Variants in TULP4 observed in about 807,000 individuals in gnomAD.
The protein encoded by TULP4 is TUB like protein 4, also known as tubby-related protein 4.
A neutral mutation model predicts 129.0 loss-of-function variants in TULP4; 16 were observed. The ratio of observed to expected loss-of-function variants is 0.12; its 90% CI spans 0.08 to 0.19. The LOEUF is 0.19. Among genes scored for constraint, TULP4 ranks in the 10% least tolerant of loss-of-function variants. The probability of loss-of-function intolerance (pLI) is 1.00; values close to 1 mark genes in which losing one functional copy is unlikely to be tolerated. For synonymous variants in TULP4, 998 were observed against 854.0 expected (o/e 1.17, Z -2.94); for missense variants, 1,842 against 2,059.1 (o/e 0.89, Z 2.04).
intron 6 of TULP4, among the ~76,000 whole-genome samples, chr6:158,464,817 A>G (rs1430600585): frequency 6.6e-6 from 1 of 152,232 alleles, no homozygotes; most frequent in East Asian, 1.9e-4. Context: ...TGTCTCCTGA[A>G]TCAGGAAAAG....
chr6:158,372,112 G>C (rs1432591715), intron 1 of TULP4, among the ~76,000 whole-genome samples: 1 of 120,596 alleles, frequency 8.3e-6, no homozygotes, highest in African/African-American at 3.2e-5. Context: ...ACCATGCCAA[G>C]CCATTTTCTA....
chr6:158,287,200 C>G (rs1356176546), intron 1 of TULP4, among the ~76,000 whole-genome samples: 1 of 152,180 alleles, frequency 6.6e-6, no homozygotes, highest in East Asian at 1.9e-4. Flanking sequence ...GTTCAAATTA[C>G]AGGGTGAATG....
intron 1 of TULP4, chr6:158,242,537 A>G (rs878939166): frequency 5.3e-6 from 4 of 749,456 alleles, no homozygotes; most frequent in African/African-American, 3.4e-5. Context: ...TCTTCAAGAC[A>G]TTCTCAATTC....
At chr6:158,349,439 G>GGT (rs1780430210) in intron 1 of TULP4, among the ~76,000 whole-genome samples, 1 of 142,036 alleles carries the variant, frequency 7.0e-6, no homozygotes, top group African/African-American at 2.6e-5. Context: ...CATCCCAGAC[G>GGT]GGGCGGCTGG....
intron 1 of TULP4, among the ~76,000 whole-genome samples, chr6:158,375,866 T>G (rs937628241): frequency 6.6e-6 from 1 of 152,208 alleles, no homozygotes; most frequent in African/African-American, 2.4e-5. Context: ...ATAGTGTGAC[T>G]GAAAGTAATT....
chr6:158,298,702 A>G (rs1222043294), intron 1 of TULP4, among the ~76,000 whole-genome samples: 4 of 152,200 alleles, frequency 2.6e-5, no homozygotes, highest in Non-Finnish European at 5.9e-5. Context: ...ATTTTCCACT[A>G]ACAGCATGTA....
At chr6:158,449,773 C>T (rs1311188109) in intron 4 of TULP4, among the ~76,000 whole-genome samples, 1 of 152,064 alleles carries the variant, frequency 6.6e-6, no homozygotes, top group Non-Finnish European at 1.5e-5. Context: ...TGGGGATGAC[C>T]TCAAATTCCA....
At chr6:158,482,942 C>T (rs1779981326) in intron 8 of TULP4, among the ~76,000 whole-genome samples, 1 of 152,192 alleles carries the variant, frequency 6.6e-6, no homozygotes, top group Non-Finnish European at 1.5e-5. Context: ...CAGCTCGTAT[C>T]AAACACAGAC....
At chr6:158,435,477 T>C in intron 3 of TULP4, among the ~76,000 whole-genome samples, 1 of 152,132 alleles carries the variant, frequency 6.6e-6, no homozygotes, top group East Asian at 1.9e-4. Context: ...AGCTGGATCT[T>C]GCCTCCTCCT....
At position 158,437,414 on chromosome 6, in the gene TULP4, A is replaced by G. The variant is rs894434957; in HGVS notation, c.543+7517A>G. Reference sequence around the variant, plus strand: ...CCATCTCTACAAAAAATTAAAAACCAGCCAGGTGCAGTGGCACATTCCAGT... The same window carrying G: ...CCATCTCTACAAAAAATTAAAAACCGGCCAGGTGCAGTGGCACATTCCAGT... On this transcript the variant is annotated intron_variant, in intron 3 of 13. Coordinates refer to ENST00000367097, the MANE Select transcript of TULP4 (RefSeq NM_020245.5). 7.2e-5 allele frequency among the ~76,000 whole-genome samples: 11 copies of G among 152,236 alleles called. 1 individual carries two copies. In the South Asian group the frequency reaches 1.9e-3, roughly 26 times the overall value.
chr6:158,445,767 T>C (rs1779021809), intron 3 of TULP4, among the ~76,000 whole-genome samples: 1 of 152,206 alleles, frequency 6.6e-6, no homozygotes, highest in Non-Finnish European at 1.5e-5. Context: ...GATGCAGTCA[T>C]GCGTTTCATC....
intron 1 of TULP4, chr6:158,238,423 T>G: frequency 2.0e-6 from 1 of 491,458 alleles, no homozygotes; most frequent in Non-Finnish European, 3.6e-6. Context: ...TTGTTTTTTT[T>G]TTTTTTTTTA....
chr6:158,243,976 T>A (rs1009458827), intron 1 of TULP4, among the ~76,000 whole-genome samples: 1 of 152,066 alleles, frequency 6.6e-6, no homozygotes, highest in Admixed American at 6.6e-5. Flanking sequence ...TTCCCTTGAT[T>A]TACCAGTTTT....
At chr6:158,295,138 G>A (rs536940029) in intron 1 of TULP4, among the ~76,000 whole-genome samples, 26 of 152,216 alleles carry the variant, frequency 1.7e-4, no homozygotes, top group Middle Eastern at 6.8e-3. Flanking sequence ...CATCTGACAC[G>A]TGTATATTTT....
intron 1 of TULP4, among the ~76,000 whole-genome samples, chr6:158,316,592 G>C (rs1254227778): frequency 6.6e-6 from 1 of 152,072 alleles, no homozygotes; most frequent in Non-Finnish European, 1.5e-5. Context: ...CTGTACCTTT[G>C]AAGTGGATAC....
At chr6:158,235,858 A>G (rs1282690041) in intron 1 of TULP4, among the ~76,000 whole-genome samples, 1 of 152,246 alleles carries the variant, frequency 6.6e-6, no homozygotes, top group Non-Finnish European at 1.5e-5. Context: ...TTTTATTAAA[A>G]CAAATTAAAT....
At chr6:158,351,738 A>C (rs1780529945) in intron 1 of TULP4, among the ~76,000 whole-genome samples, 1 of 11,386 alleles carries the variant, frequency 8.8e-5, no homozygotes, top group Non-Finnish European at 1.6e-4. Context: ...TTTTTTTTTG[A>C]GACAGAGTCT....
chr6:158,370,210 A>G (rs1017841252), intron 1 of TULP4, among the ~76,000 whole-genome samples: 1 of 152,046 alleles, frequency 6.6e-6, no homozygotes, highest in Admixed American at 6.6e-5. Context: ...TAATCCCAGC[A>G]CTTTGGGAGG....
chr6:158,439,773 G>A (rs529976236), intron 3 of TULP4, among the ~76,000 whole-genome samples: 250 of 130,058 alleles, frequency 1.9e-3, no homozygotes, highest in Non-Finnish European at 2.9e-3. Flanking sequence ...GTGCAGTGGT[G>A]CGATCTCGGC....
Sources: allele counts gnomAD v4.1 joint callset (sites outside exome capture counted in the v4.1 genomes callset), GRCh38; gene constraint gnomAD v4.1.1; transcripts MANE v1.5; gene names NCBI Gene and HGNC (gene_info 2026-07-23, HGNC 2026-07-21).